TRPM2: variants seen among roughly 807,000 people sequenced by gnomAD.
TRPM2 encodes estrogen-responsive element-associated gene 1 protein.
TRPM2 carries 161 observed loss-of-function variants against 174.0 expected under a neutral mutation model. The observed-to-expected ratio is 0.93, with a 90% confidence interval of 0.81 to 1.05. TRPM2 has a LOEUF of 1.05. Ranked by LOEUF, TRPM2 falls within the 50% of genes least tolerant of loss-of-function variation. The pLI is 0.00. For synonymous variants in TRPM2, 954 were observed against 861.3 expected (o/e 1.11, Z -1.88); for missense variants, 2,057 against 2,038.0 (o/e 1.01, Z -0.18).
chr21:44,441,348 G>A (rs536555290), intron 31 of TRPM2, among the ~76,000 whole-genome samples: 1 of 152,304 alleles, frequency 6.6e-6, no homozygotes, highest in South Asian at 2.1e-4. Context: ...CCCGGCTGCC[G>A]GCTTTTAGCT....
At chr21:44,395,339 C>T (rs2049308874) in intron 11 of TRPM2, 75 bp from the exon 12 acceptor site, 2 of 1,554,224 alleles carry the variant, frequency 1.3e-6, no homozygotes. Flanking sequence ...TCAGGGCCTG[C>T]ACCTCTGACA....
At position 44,406,759 on chromosome 21, in the gene TRPM2, A is replaced by G. The variant is rs764795262; in HGVS notation, c.2956A>G (p.Ile986Val). Residue 986 changes from isoleucine (I) to valine (V), a missense_variant, in exon 19 of 32, where the codon ATC becomes GTC. By Grantham distance (29) the Ile-to-Val change is conservative. Transcript: ENST00000397928. ...CATCTTCGGGCAGATCCCGGGCTAC[A>G]TCGACGGTAGGAGCCGGGCGCCATG... is the stretch of plus-strand genomic sequence containing the variant. ...LTIFGQIPGYIDGVNFNPEHC... is the reference protein window; with the variant it reads ...LTIFGQIPGYVDGVNFNPEHC... 6 of 1,602,470 alleles carry G rather than the reference A, an allele frequency of 3.7e-6. No individual in the cohort carries two copies. The highest frequency in any genetic ancestry group is 1.7e-5 in the Admixed American group (1 of 57,976).
At position 44,391,204 on chromosome 21, in the gene TRPM2, T is replaced by A. The variant is rs2049162667; in HGVS notation, c.1441-68T>A. On this transcript the variant is annotated intron_variant, in intron 10 of 31. Transcript: ENST00000397928. This position sits in a 1 kb window ranked among gnomAD's most constrained non-coding sequence, Gnocchi z 5.0. ...ACAACAGCAGCCCCCATCTCCAGGG[T>A]CTTTGAGATCAGGATGACATGGGGT... is the stretch of plus-strand genomic sequence containing the variant. 8.4e-6 allele frequency: 13 copies of A among 1,540,014 alleles called. No homozygotes were observed. In the East Asian group the frequency reaches 2.7e-4, roughly 32 times the overall value.
In TRPM2 at chr21:44,418,074, C is replaced by G. The variant is rs764993354; in HGVS notation, c.3294C>G (p.Val1098=). The G allele has an allele frequency of 6.2e-6, 10 of 1,612,730 alleles. No homozygotes were observed. The highest frequency in any genetic ancestry group is 8.5e-6 in the Non-Finnish European group (10 of 1,179,898). ...SHLQLFIKRV[V]LKTPAKRHKQ... ...TGCAGCTCTTCATCAAGAGGGTGGT[C>G]CTGAAGACTCCGGCCAAGAGGCACA... is the stretch of plus-strand genomic sequence containing the variant. The change falls in exon 21 of 32, where the codon GTC becomes GTG. Residue 1098 remains valine, a synonymous_variant. Transcript: ENST00000397928.
chr21:44,359,171 A>T (rs1401169066), intron 2 of TRPM2, among the ~76,000 whole-genome samples: 3 of 151,090 alleles, frequency 2.0e-5, no homozygotes, highest in African/African-American at 7.3e-5. Flanking sequence ...CATTTTACAG[A>T]GCATGGCTTG....
At position 44,401,674 on chromosome 21, in the gene TRPM2, G is replaced by T; in HGVS notation, c.2322-7G>T. Reference sequence around the variant, plus strand: ...TCACTGTCTCCTCTCTGCTGTGACGGCCGCAGGGAGAAGAGGCTGCAGGAT... The same window carrying T: ...TCACTGTCTCCTCTCTGCTGTGACGTCCGCAGGGAGAAGAGGCTGCAGGAT... On this transcript the variant is annotated splice_polypyrimidine_tract_variant and splice_region_variant and intron_variant, in intron 15 of 31. Transcript: ENST00000397928. 1 of 1,611,574 alleles carries T rather than the reference G, an allele frequency of 6.2e-7. No individual in the cohort carries two copies. The highest frequency in any genetic ancestry group is 8.5e-7 in the Non-Finnish European group (1 of 1,179,786).
intron 11 of TRPM2, among the ~76,000 whole-genome samples, chr21:44,392,483 C>G (rs903262248): frequency 6.6e-6 from 1 of 150,504 alleles, no homozygotes; most frequent in Non-Finnish European, 1.5e-5. Context: ...CCAGGCTGGT[C>G]TCAAACTCCG....
intron 4 of TRPM2, among the ~76,000 whole-genome samples, chr21:44,368,878 G>A (rs2048438278): frequency 6.6e-6 from 1 of 152,230 alleles, no homozygotes; most frequent in Non-Finnish European, 1.5e-5. Flanking sequence ...CTGGGAGGAA[G>A]AGGGAAAGCA....
intron 19 of TRPM2, among the ~76,000 whole-genome samples, chr21:44,408,451 A>G (rs1053176396): frequency 1.3e-5 from 2 of 151,630 alleles, no homozygotes; most frequent in African/African-American, 4.8e-5. Flanking sequence ...CAGTCCCAGG[A>G]TTCCAATTTC....
intron 31 of TRPM2, among the ~76,000 whole-genome samples, chr21:44,441,307 CA>C (rs149089915): frequency 1.3e-4 from 20 of 152,278 alleles, no homozygotes; most frequent in African/African-American, 4.6e-4. Context: ...AGATGGCATC[CA>C]GGGGTGAGGC....
chr21:44,375,926 G>A lies in TRPM2; in HGVS notation c.865G>A (p.Asp289Asn), dbSNP rs764369701. Residue 289 changes from aspartate to asparagine, a missense_variant, in exon 6 of 32, where the codon GAC (aspartate) becomes AAC (asparagine). Physicochemically the swap from Asp to Asn is conservative, Grantham distance 23 (BLOSUM62 1). Transcript: ENST00000397928. ...SNHSHFILVDDGTHGQYGVEI... is the reference protein window; with the variant it reads ...SNHSHFILVDNGTHGQYGVEI... ...CCACTCTCACTTCATCCTCGTGGAC[G>A]ACGGGACCCACGGCCAGTACGGGGT... The A allele has an allele frequency of 4.3e-6, 7 of 1,613,982 alleles. No individual in the cohort carries two copies. Among genetic ancestry groups the A allele is most frequent in the South Asian group, 3.3e-5 (3 of 91,090 alleles).
rs1299006361 is a variant in TRPM2 at position 44,426,657 on chromosome 21, C to T, written c.3796-3C>T. ...TGAGGGAAAACTCCCTGTTTTGCGA[C>T]AGACGGAGTTCCTGATCTATGACCC... On this transcript the variant is annotated splice_region_variant and splice_polypyrimidine_tract_variant and intron_variant, in intron 25 of 31. Transcript: ENST00000397928. 3 of 1,614,070 alleles carry T rather than the reference C, an allele frequency of 1.9e-6. No homozygotes were observed. The African/African-American group carries it at 4.0e-5, about 22-fold the overall frequency.
chr21:44,402,451 G>C (rs1457106018), intron 16 of TRPM2, among the ~76,000 whole-genome samples: 1 of 152,176 alleles, frequency 6.6e-6, no homozygotes, highest in Non-Finnish European at 1.5e-5. Flanking sequence ...GATGATGTGT[G>C]GCCTCATGCA....
At chr21:44,395,190 G>A (rs1032897590) in intron 11 of TRPM2, among the ~76,000 whole-genome samples, 8 of 152,220 alleles carry the variant, frequency 5.3e-5, no homozygotes, top group African/African-American at 1.9e-4. Flanking sequence ...GGAGTTAGAC[G>A]GGCGTTTCAC....
At chr21:44,361,517 AT>A (rs2048208453) in intron 2 of TRPM2, among the ~76,000 whole-genome samples, 1 of 152,074 alleles carries the variant, frequency 6.6e-6, no homozygotes, top group African/African-American at 2.4e-5. Flanking sequence ...ATTGGGTCCT[AT>A]TTTTTTAAAT....
Position 44,406,032 on chromosome 21 carries a change from C to G in TRPM2, c.2785C>G (p.Arg929Gly), listed in dbSNP as rs1408663909. ...GGGGCCCAAGATCATCATTGTGAAG[C>G]GGATGGTAAGGGGGCGGGGGCACCG... ...TLGPKIIIVKRMMKDVFFFLF... is the reference protein window; with the variant it reads ...TLGPKIIIVKGMMKDVFFFLF... Residue 929 changes from arginine to glycine, a missense_variant, in exon 18 of 32, where the codon CGG (arginine) becomes GGG (glycine). Coordinates refer to ENST00000397928, the MANE Select transcript of TRPM2 (RefSeq NM_003307.4). 3 of 1,606,032 alleles carry G rather than the reference C, an allele frequency of 1.9e-6. No homozygotes were observed. The highest frequency in any genetic ancestry group is 1.3e-5 in the African/African-American group (1 of 74,922).
intron 5 of TRPM2, 114 bp downstream of exon 5, chr21:44,369,457 G>A: frequency 7.7e-7 from 1 of 1,295,008 alleles, no homozygotes; most frequent in African/African-American, 1.8e-5. Flanking sequence ...GGTGACGTCT[G>A]ACCGGGCGCT....
chr21:44,384,468 A>G lies in TRPM2; in HGVS notation c.1318+1648A>G, dbSNP rs2048966295. 2.0e-5 allele frequency among the ~76,000 whole-genome samples: 3 copies of G among 152,230 alleles called. No homozygotes were observed. In the South Asian group the frequency reaches 6.2e-4, roughly 31 times the overall value. On this transcript the variant is annotated intron_variant, in intron 9 of 31. Transcript: ENST00000397928. ...CTGGAAGGCAGAAGGGTAAGGGAGC[A>G]CACAGATGCATGAAAGAGAGTAAGA...
Position 44,400,303 on chromosome 21 carries a change from T to C in TRPM2, c.2253T>C (p.Asn751=). The C allele has an allele frequency of 1.2e-6, 2 of 1,612,772 alleles. No individual in the cohort carries two copies. Among genetic ancestry groups the C allele is most frequent in the Non-Finnish European group, 1.7e-6 (2 of 1,179,840 alleles). The change falls in exon 15 of 32, where the codon AAT becomes AAC. Residue 751 remains asparagine (N), a synonymous_variant. Coordinates refer to ENST00000397928, the MANE Select transcript of TRPM2 (RefSeq NM_003307.4). ...KVWWGQLSVD[N]GLWRVTLCML... ...GGTGGGGCCAGCTCTCCGTGGACAATGGGCTGTGGCGTGTGACCCTGTGCA... is the reference window on the plus strand; with the variant it reads ...GGTGGGGCCAGCTCTCCGTGGACAACGGGCTGTGGCGTGTGACCCTGTGCA...
Sources: gnomAD v4.1 joint callset for allele counts (sites outside exome capture counted in the v4.1 genomes callset) on GRCh38, gnomAD v4.1.1 for gene constraint, Gnocchi (gnomAD v3.1) non-coding constraint, MANE v1.5 for transcripts, NCBI Gene and HGNC (gene_info 2026-07-23, HGNC 2026-07-21) for gene names.